The following VPS37A variants were observed in gnomAD, a reference collection of about 807,000 sequenced individuals.
The protein encoded by VPS37A is vacuolar protein sorting-associated protein 37A.
VPS37A carries 30 observed loss-of-function variants against 49.8 expected under a neutral mutation model. The observed-to-expected ratio is 0.60, with a 90% CI of 0.45 to 0.82. The LOEUF (loss-of-function observed/expected upper bound fraction) is 0.82, where lower values mean the gene tolerates loss of function less well. Among genes scored for constraint, VPS37A ranks in the 40% least tolerant of loss-of-function variants. The pLI is 0.00. For missense variants in VPS37A, 593 were observed against 464.4 expected (o/e 1.28, Z -2.55); for synonymous variants, 195 against 160.6 (o/e 1.21, Z -1.62).
At chr8:17,330,724 A>G in the VPS37A span, among the ~76,000 whole-genome samples, 1 of 152,160 alleles carries the variant, frequency 6.6e-6, no homozygotes. Context: ...AATGAGGGTC[A>G]GCTCCTCCGA....
chr8:17,251,208 T>C (rs1353363235), intron 1 of VPS37A, among the ~76,000 whole-genome samples: 1 of 152,160 alleles, frequency 6.6e-6, no homozygotes, highest in Non-Finnish European at 1.5e-5. Flanking sequence ...GAAGCAGGAC[T>C]CTTGGTTAGT....
chr8:17,281,073 G>A (rs547570453), intron 9 of VPS37A, among the ~76,000 whole-genome samples: 26 of 151,688 alleles, frequency 1.7e-4, no homozygotes, highest in Non-Finnish European at 3.0e-4. Context: ...ACCAACAACA[G>A]CAAAAAAGAT....
At chr8:17,250,431 T>C (rs936836795) in intron 1 of VPS37A, among the ~76,000 whole-genome samples, 39 of 152,180 alleles carry the variant, frequency 2.6e-4, no homozygotes, top group African/African-American at 9.4e-4. Context: ...TCCAGTGTGT[T>C]TTTTCCTATG....
intron 11 of VPS37A, among the ~76,000 whole-genome samples, chr8:17,291,659 G>T (rs1057210146): frequency 6.6e-6 from 1 of 152,092 alleles, no homozygotes; most frequent in Non-Finnish European, 1.5e-5. Flanking sequence ...CTGTCCCAGA[G>T]ATTCTGGTAC....
the VPS37A span, among the ~76,000 whole-genome samples, chr8:17,318,024 G>A: frequency 1.3e-5 from 2 of 151,966 alleles, no homozygotes; most frequent in Non-Finnish European, 2.9e-5. Flanking sequence ...TCTGTGCAAG[G>A]CAGAAGCTGG....
At chr8:17,252,166 T>G (rs1812041485) in intron 1 of VPS37A, among the ~76,000 whole-genome samples, 2 of 152,108 alleles carry the variant, frequency 1.3e-5, no homozygotes, top group Non-Finnish European at 2.9e-5. Context: ...AATTTCCAGG[T>G]TTCCTTTTTA....
rs1385377905 is a variant in VPS37A, at chr8:17,262,056, A to C, written c.126-3851A>C. ...TGTTCACCTCGATCTTACTTTTTCC[A>C]GTGTAGAAATCGTGAGTCGAGGGGA... is the stretch of plus-strand genomic sequence containing the variant. On this transcript the variant is annotated intron_variant, in intron 1 of 11. Transcript: ENST00000324849. Among the ~76,000 whole-genome samples, 5 of 152,154 alleles carry C rather than the reference A, an allele frequency of 3.3e-5. No homozygotes were observed. In the East Asian group the frequency reaches 9.7e-4, roughly 29 times the overall value.
Position 17,284,584 on chromosome 8 carries a change from G to A in VPS37A, c.1081G>A (p.Asp361Asn), listed in dbSNP as rs371630409. 6.3e-7 allele frequency: 1 copy of A among 1,599,342 alleles called. No individual in the cohort carries two copies. ...CTTGGAGGGAAAGATGGAAATAGAT[G>A]ATTTTCTCAGTAGCTTCATGGAAAA... ...DFLEGKMEID[D>N]FLSSFMEKRT... is the part of the protein sequence containing the mutation. Residue 361 changes from aspartate (D) to asparagine (N), a missense_variant, in exon 10 of 12, where the codon GAT (aspartate) becomes AAT (asparagine). Transcript: ENST00000324849.
intron 11 of VPS37A, among the ~76,000 whole-genome samples, chr8:17,294,493 G>GA (rs903675847): frequency 1.3e-5 from 2 of 151,834 alleles, no homozygotes; most frequent in African/African-American, 2.4e-5. Flanking sequence ...CAGGCAGTAC[G>GA]AAAAAAAATT....
chr8:17,331,063 A>C, the VPS37A span: 1 of 1,480,874 alleles, frequency 6.8e-7, no homozygotes. Context: ...CTATGTAAAA[A>C]CATTTTAAAA....
Position 17,250,513 on chromosome 8 carries a change from G to GT in VPS37A, c.125+3148dup, listed in dbSNP as rs373431945. On this transcript the variant is annotated intron_variant, in intron 1 of 11. Transcript: ENST00000324849. ...ATGCTGTCCATCTCCCTCATGTTTC[G>GT]TTTTATGTCTCTTCTCCAAATGTAA... Among the ~76,000 whole-genome samples, 542 of 152,154 alleles carry GT rather than the reference G, an allele frequency of 3.6e-3. 9 individuals carry two copies. The highest frequency in any genetic ancestry group is 0.012 in the African/African-American group (516 of 41,526).
At chr8:17,274,516 C>T (rs1229019625) in intron 4 of VPS37A, among the ~76,000 whole-genome samples, 3 of 151,906 alleles carry the variant, frequency 2.0e-5, no homozygotes, top group Admixed American at 6.6e-5. Context: ...TTTGTAGAAA[C>T]CACAATTCTA....
At position 17,247,137 on chromosome 8, in the gene VPS37A, C is replaced by T; in HGVS notation, c.-108C>T. On this transcript the variant is annotated 5_prime_UTR_variant, in exon 1 of 12. Coordinates refer to ENST00000324849, the MANE Select transcript of VPS37A (RefSeq NM_152415.3). ...AAGACGCGGTCCCCAGCGCTTGGGC[C>T]ACGGACGTCCCACCCCGCTCCTCTG... 1 of 1,466,964 alleles carries T rather than the reference C, an allele frequency of 6.8e-7. No homozygotes were observed. 90.9% of individuals were successfully genotyped at this position (1,466,964 alleles called of 1,614,324 possible).
At chr8:17,324,958 A>G in the VPS37A span, among the ~76,000 whole-genome samples, 2 of 152,246 alleles carry the variant, frequency 1.3e-5, no homozygotes, top group Middle Eastern at 6.8e-3. Context: ...TCACAGCATA[A>G]ATTTGCAGGT....
intron 1 of VPS37A, among the ~76,000 whole-genome samples, chr8:17,258,186 T>C (rs987571550): frequency 2.6e-5 from 4 of 152,190 alleles, no homozygotes; most frequent in South Asian, 4.1e-4. Context: ...CACTATTATA[T>C]TGGATAAAAG....
intron 1 of VPS37A, 28 bp downstream of exon 1, chr8:17,247,397 G>T: frequency 2.5e-6 from 1 of 393,366 alleles, no homozygotes. Context: ...CTCCACCGGA[G>T]GAAAAAGTAG....
At chr8:17,288,204 G>A (rs1586066417) in intron 11 of VPS37A, among the ~76,000 whole-genome samples, 1 of 151,992 alleles carries the variant, frequency 6.6e-6, no homozygotes, top group Admixed American at 6.6e-5. Flanking sequence ...TCATAGTCAA[G>A]TTATTTTATA....
At chr8:17,308,148 T>G in the VPS37A span, among the ~76,000 whole-genome samples, 8 of 152,078 alleles carry the variant, frequency 5.3e-5, no homozygotes, top group Admixed American at 5.2e-4. Context: ...GCTTCAGAAT[T>G]ATTTCAAAAT....
rs1393840291 is a variant in VPS37A at position 17,296,883 on chromosome 8, T to A, written c.*1897T>A. On this transcript the variant is annotated 3_prime_UTR_variant, in exon 12 of 12. Coordinates refer to ENST00000324849, the MANE Select transcript of VPS37A (RefSeq NM_152415.3). ...ATTGGATAACCTTGTTACAACCCAG[T>A]CATGAAACAGAGCAGTGTGATCAGT... 2.6e-5 allele frequency: 4 copies of A among 152,174 alleles called. No homozygotes were observed. The highest frequency in any genetic ancestry group is 5.9e-5 in the Non-Finnish European group (4 of 68,018). 9.4% of individuals were successfully genotyped at this position (152,174 alleles called of 1,614,324 possible). A position where few individuals can be genotyped will look rare whatever the true frequency, so the allele number is the denominator to read the frequency against.
Sources: gnomAD v4.1 joint callset for allele counts (sites outside exome capture counted in the v4.1 genomes callset) on GRCh38, gnomAD v4.1.1 for gene constraint, MANE v1.5 for transcripts, NCBI Gene and HGNC (gene_info 2026-07-23, HGNC 2026-07-21) for gene names.